The following CYGB variants were observed in gnomAD, a reference collection of about 807,000 sequenced individuals.
CYGB encodes cytoglobin.
Under a neutral mutation model 20.7 loss-of-function variants are expected in CYGB, and 13 were observed. That is an observed-to-expected ratio of 0.63 (90% confidence interval 0.41 to 1.00). The LOEUF (loss-of-function observed/expected upper bound fraction) is 1.00. Among genes scored for constraint, CYGB ranks in the 50% least tolerant of loss-of-function variants. The probability of loss-of-function intolerance (pLI) is 0.00; values close to 1 mark genes in which losing one functional copy is unlikely to be tolerated. For synonymous variants in CYGB, 93 were observed against 107.4 expected (o/e 0.87, Z 0.83); for missense variants, 218 against 257.2 (o/e 0.85, Z 1.04).
At chr17:76,547,816 T>TCA (rs749227950) in intron 1 of CYGB, among the ~76,000 whole-genome samples, 55 of 136,136 alleles carry the variant, frequency 4.0e-4, no homozygotes, top group Admixed American at 1.7e-3. Flanking sequence ...AGACACACAT[T>TCA]CACACACACA....
In CYGB at chr17:76,527,605, G is replaced by GGCA; in HGVS notation, c.*972_*973insTGC. Reference sequence around the variant, plus strand: ...AGATGAATAGACAGGGCCGACTGCCGGCCAGGAGGAGGGTGGGGTGGGGAA... The same window carrying GGCA: ...AGATGAATAGACAGGGCCGACTGCCGGCAGCCAGGAGGAGGGTGGGGTGGGGAA... On this transcript the variant is annotated 3_prime_UTR_variant, in exon 4 of 4. Coordinates refer to ENST00000293230, the MANE Select transcript of CYGB (RefSeq NM_134268.5). The GGCA allele has an allele frequency of 2.2e-6, 1 of 453,124 alleles. No individual in the cohort carries two copies. The highest frequency in any genetic ancestry group is 4.4e-6 in the Non-Finnish European group (1 of 225,846). The allele number at this position is 453,124 out of a possible 1,614,324, so 28.1% of individuals were successfully genotyped here. A position where few individuals can be genotyped will look rare whatever the true frequency, so the allele number is the denominator to read the frequency against.
upstream of CYGB, among the ~76,000 whole-genome samples, chr17:76,539,322 A>T (rs1384546477): frequency 1.3e-5 from 2 of 152,222 alleles, no homozygotes. Flanking sequence ...TTTTCATCTC[A>T]TCCTTTGCAA....
chr17:76,540,254 G>T (rs4648338), upstream of CYGB: 17,235 of 882,642 alleles, frequency 0.02, 1,498 homozygotes, highest in African/African-American at 0.088. The surrounding 1 kb of genome is among the most constrained non-coding windows in gnomAD (Gnocchi z 5.0). Flanking sequence ...GGTTGGTCGG[G>T]GGGGGGGGGC....
upstream of CYGB, chr17:76,540,250 TCG>T (rs1491266453): frequency 9.4e-3 from 4,340 of 463,452 alleles, 618 homozygotes; most frequent in African/African-American, 0.058. This position sits in a 1 kb window ranked among gnomAD's most constrained non-coding sequence, Gnocchi z 5.0. Flanking sequence ...TGGCGGTTGG[TCG>T]GGGGGGGGGG....
At chr17:76,549,582 C>T (rs187505327) in intron 1 of CYGB, among the ~76,000 whole-genome samples, 51 of 152,250 alleles carry the variant, frequency 3.3e-4, no homozygotes, top group African/African-American at 1.2e-3. Flanking sequence ...TAAAGTTATC[C>T]CAGAGGAATG....
At position 76,533,557 on chromosome 17, in the gene CYGB, C is replaced by A. The variant is rs1290651947; in HGVS notation, c.144-1866G>T. Among the ~76,000 whole-genome samples the A allele has an allele frequency of 6.6e-6, 1 of 150,800 alleles. No individual in the cohort carries two copies. The highest frequency in any genetic ancestry group is 2.4e-5 in the African/African-American group (1 of 40,924). ...CTGGGCAATGTGGCAAACCCTGTCT[C>A]TACAAAATACAAAAAATTAGCCAGG... On this transcript the variant is annotated intron_variant, in intron 1 of 3. Transcript: ENST00000293230. The surrounding 1 kb of genome is among the most constrained non-coding windows in gnomAD (Gnocchi z 4.5).
upstream of CYGB, among the ~76,000 whole-genome samples, chr17:76,541,587 A>G (rs927897523): frequency 6.6e-6 from 1 of 152,182 alleles, no homozygotes; most frequent in South Asian, 2.1e-4. Flanking sequence ...AGAAGGCCCA[A>G]TGGGAAGCCC....
At chr17:76,529,319 C>T (rs1259459162) in intron 3 of CYGB, 3 of 985,294 alleles carry the variant, frequency 3.0e-6, no homozygotes, top group Non-Finnish European at 3.6e-6. Context: ...GGGAGTAACC[C>T]CCATGGGGTG....
At chr17:76,542,419 A>G (rs1598213452), upstream of CYGB, 1 of 1,026,506 alleles carries the variant, frequency 9.7e-7, no homozygotes, top group East Asian at 2.4e-5. Context: ...CTAAATGCCA[A>G]CTGATTCCTT....
intron 1 of CYGB, among the ~76,000 whole-genome samples, chr17:76,548,547 G>T (rs946089219): frequency 1.3e-5 from 2 of 152,236 alleles, no homozygotes; most frequent in African/African-American, 4.8e-5. Context: ...GCCTGTCCCT[G>T]TGACCTTTAG....
chr17:76,538,036 G>T, upstream of CYGB: 1 of 152,300 alleles, frequency 6.6e-6, no homozygotes, highest in South Asian at 2.0e-4. Context: ...GCGCTGGGGC[G>T]GGCGCGGGCC....
chr17:76,536,067 T>C lies in CYGB; in HGVS notation c.143+1333A>G, dbSNP rs193150905. ...GTGTGGGTGCCAGCACCTGTGGGGA[T>C]TGGTGGTTCCGAGCGTCTGAGGCCC... On this transcript the variant is annotated intron_variant, in intron 1 of 3. Transcript: ENST00000293230. Among the ~76,000 whole-genome samples the C allele has an allele frequency of 6.3e-3, 956 of 152,240 alleles. 10 individuals carry two copies. Among genetic ancestry groups the C allele is most frequent in the African/African-American group, 0.021 (883 of 41,524 alleles).
upstream of CYGB, chr17:76,540,254 G>A (rs4648338): frequency 1.1e-6 from 1 of 887,858 alleles, no homozygotes. This position sits in a 1 kb window ranked among gnomAD's most constrained non-coding sequence, Gnocchi z 5.0. Flanking sequence ...GGTTGGTCGG[G>A]GGGGGGGGGC....
rs774144863 is a variant in CYGB at position 76,528,559 on chromosome 17, G to C, written c.*19C>G. The C allele has an allele frequency of 3.1e-6, 4 of 1,290,650 alleles. No individual in the cohort carries two copies. Among genetic ancestry groups the C allele is most frequent in the African/African-American group, 1.5e-5 (1 of 65,278 alleles). The allele number at this position is 1,290,650 out of a possible 1,614,324, so 79.9% of individuals were successfully genotyped here. A position where few individuals can be genotyped will look rare whatever the true frequency, so the allele number is the denominator to read the frequency against. Reference sequence around the variant, plus strand: ...TTCTGCTCGAGGTGCTGCCAGGGAGGGGGGTGGAGTTAGGGGTCCTACGGC... The same window carrying C: ...TTCTGCTCGAGGTGCTGCCAGGGAGCGGGGTGGAGTTAGGGGTCCTACGGC... On this transcript the variant is annotated 3_prime_UTR_variant, in exon 4 of 4. Coordinates refer to ENST00000293230, the MANE Select transcript of CYGB (RefSeq NM_134268.5). The surrounding 1 kb of genome is among the most constrained non-coding windows in gnomAD (Gnocchi z 5.8).
rs749452700 is a variant in CYGB, at chr17:76,528,606, G to A, written c.545C>T (p.Pro182Leu). ...VQQVPNATTP[P>L]ATLPSSGP ...CGGCCCCGAAGAGGGCAGTGTGGCC[G>A]GTGGGCTGTGGACGAGATAGGAAGG... Residue 182 changes from proline to leucine, a missense_variant, in exon 4 of 4, where the codon CCG (proline) becomes CTG (leucine). By Grantham distance (98) the Pro-to-Leu change is moderately conservative (BLOSUM62 -3). This residue lies in a region of CYGB where 66 missense variants were observed against 107.4 expected (regional missense o/e 0.61). Coordinates refer to ENST00000293230, the MANE Select transcript of CYGB (RefSeq NM_134268.5). The surrounding 1 kb of genome is among the most constrained non-coding windows in gnomAD (Gnocchi z 5.8). 10 of 1,279,694 alleles carry A rather than the reference G, an allele frequency of 7.8e-6. No homozygotes were observed. Among genetic ancestry groups the A allele is most frequent in the East Asian group, 6.0e-5 (2 of 33,336 alleles). 79.3% of individuals were successfully genotyped at this position (1,279,694 alleles called of 1,614,324 possible).
rs1348455499 is a variant in CYGB, at chr17:76,545,487, A to T, written c.-53+5375T>A. 17 of 413,832 alleles carry T rather than the reference A, an allele frequency of 4.1e-5. No homozygotes were observed. The East Asian group carries it at 1.1e-3, about 28-fold the overall frequency. 25.6% of individuals were successfully genotyped at this position (413,832 alleles called of 1,614,324 possible). On this transcript the variant is annotated intron_variant, in intron 1 of 3. Coordinates refer to the CYGB transcript ENST00000589145. ...GAGAGGGCAGATAAAGGGCAGCTAG[A>T]GAGGGAGAGCTGAGCCAAAGGGTGG...
chr17:76,532,445 C>T (rs371778265), intron 1 of CYGB, among the ~76,000 whole-genome samples: 14 of 152,108 alleles, frequency 9.2e-5, no homozygotes, highest in East Asian at 3.9e-4. Flanking sequence ...CTCCTTCCAG[C>T]GTGTCAGACT....
Position 76,528,745 on chromosome 17 carries a change from AC to A in CYGB, c.540-135del. ...ATCCGGCACAGTGCAGTTGAAAGCAACCGTGAGACCCAAGTTCTAGTCTCCG... is the reference window on the plus strand; with the variant it reads ...ATCCGGCACAGTGCAGTTGAAAGCAACGTGAGACCCAAGTTCTAGTCTCCG... On this transcript the variant is annotated intron_variant, in intron 3 of 3. Transcript: ENST00000293230. This position sits in a 1 kb window ranked among gnomAD's most constrained non-coding sequence, Gnocchi z 5.8. 1 of 1,038,306 alleles carries A rather than the reference AC, an allele frequency of 9.6e-7. No individual in the cohort carries two copies. Among genetic ancestry groups the A allele is most frequent in the Non-Finnish European group, 1.2e-6 (1 of 800,796 alleles). 64.3% of individuals were successfully genotyped at this position (1,038,306 alleles called of 1,614,324 possible).
intron 3 of CYGB, chr17:76,529,044 G>GCCCCCCCCCCCC (rs34648121): frequency 1.3e-6 from 1 of 779,744 alleles, no homozygotes; most frequent in African/African-American, 2.3e-5. Context: ...CAGTCATTGC[G>GCCCCCCCCCCCC]CCCCCCCCCC....
Sources: gnomAD v4.1 joint callset for allele counts (sites outside exome capture counted in the v4.1 genomes callset) on GRCh38, gnomAD v4.1.1 for gene constraint, gnomAD v4.1.1 regional missense constraint, Gnocchi (gnomAD v3.1) non-coding constraint, MANE v1.5 for transcripts, NCBI Gene and HGNC (gene_info 2026-07-23, HGNC 2026-07-21) for gene names.